GTF3C1: variants seen among roughly 807,000 people sequenced by gnomAD.
GTF3C1 encodes the protein general transcription factor IIIC subunit 1.
A neutral mutation model predicts 226.7 loss-of-function variants in GTF3C1; 57 were observed. The observed-to-expected ratio is 0.25, with a 90% CI of 0.20 to 0.31. The LOEUF (loss-of-function observed/expected upper bound fraction) is 0.31, where lower values mean the gene tolerates loss of function less well. Ranked by LOEUF, GTF3C1 falls within the 10% of genes least tolerant of loss-of-function variation. The probability of loss-of-function intolerance (pLI) is 1.00; values close to 1 mark genes in which losing one functional copy is unlikely to be tolerated. For synonymous variants in GTF3C1, 1,090 were observed against 1,084.8 expected (o/e 1.00, Z -0.09); for missense variants, 2,217 against 2,776.1 (o/e 0.80, Z 4.53).
chr16:27,494,803 G>A lies in GTF3C1; in HGVS notation c.2738C>T (p.Pro913Leu). 1 of 1,612,576 alleles carries A rather than the reference G, an allele frequency of 6.2e-7. No homozygotes were observed. The highest frequency in any genetic ancestry group is 8.5e-7 in the Non-Finnish European group (1 of 1,178,570). ...ALVSDILLCLPLSIFIQIVQV... is the reference protein window; with the variant it reads ...ALVSDILLCLLLSIFIQIVQV... ...CACAATCTGGATGAAGATGGAGAGG[G>A]GAAGGCAGAGGAGGATGTCGCTGAC... Residue 913 changes from proline to leucine, a missense_variant, in exon 16 of 37, where the codon CCC becomes CTC. By Grantham distance (98) the Pro-to-Leu change is moderately conservative. Around this residue, in one of 12 missense-constraint regions of GTF3C1, gnomAD observed 353 missense variants for 411.7 expected, o/e 0.86. Transcript: ENST00000356183.
At chr16:27,526,397 T>C (rs557278861) in intron 6 of GTF3C1, among the ~76,000 whole-genome samples, 3 of 152,300 alleles carry the variant, frequency 2.0e-5, no homozygotes, top group Non-Finnish European at 4.4e-5. Flanking sequence ...CTTGGTCTCC[T>C]ATCTCTGAGC....
At chr16:27,494,379 C>T (rs184895933) in intron 16 of GTF3C1, among the ~76,000 whole-genome samples, 291 of 144,580 alleles carry the variant, frequency 2.0e-3, no homozygotes, top group African/African-American at 6.8e-3. Context: ...CCAGCCTAGA[C>T]GACAGAGCAA....
At position 27,508,727 on chromosome 16, in the gene GTF3C1, A is replaced by G. The variant is rs2088525157; in HGVS notation, c.1127-72T>C. 5.6e-6 allele frequency: 6 copies of G among 1,066,068 alleles called. No individual in the cohort carries two copies. In the East Asian group the frequency reaches 1.4e-4, roughly 26 times the overall value. 66.0% of individuals were successfully genotyped at this position (1,066,068 alleles called of 1,614,324 possible). On this transcript the variant is annotated intron_variant, in intron 7 of 36. Coordinates refer to ENST00000356183, the MANE Select transcript of GTF3C1 (RefSeq NM_001520.4). ...TTCTGCACAAGTCAGTTTCCAGCCC[A>G]CTTTTTCAGCAGACATTTTGATGCT...
In GTF3C1 at chr16:27,545,443, T is replaced by C. The variant is rs1304845976; in HGVS notation, c.302A>G (p.His101Arg). The change falls in exon 2 of 37, where the codon CAT becomes CGT. Residue 101 changes from histidine (H) to arginine (R), a missense_variant. Physicochemically the swap from His to Arg is conservative, Grantham distance 29 (BLOSUM62 0). Transcript: ENST00000356183. Reference sequence around the variant, plus strand: ...GCCATCCTTATTCTCTAAGATCATATGAATGGGGTAGACATCCTCCAAAGC... The same window carrying C: ...GCCATCCTTATTCTCTAAGATCATACGAATGGGGTAGACATCCTCCAAAGC... ...PVALEDVYPI[H>R]MILENKDGIQ... 2.5e-6 allele frequency: 4 copies of C among 1,611,158 alleles called. No homozygotes were observed. The highest frequency in any genetic ancestry group is 2.5e-6 in the Non-Finnish European group (3 of 1,177,264).
rs528786000 is a variant in GTF3C1, at chr16:27,492,780, T to C, written c.2877-67A>G. 6.2e-5 allele frequency: 56 copies of C among 905,580 alleles called. No individual in the cohort carries two copies. Among genetic ancestry groups the C allele is most frequent in the Non-Finnish European group, 1.0e-4 (55 of 535,028 alleles). The allele number at this position is 905,580 out of a possible 1,614,324, so 56.1% of individuals were successfully genotyped here. ...TCGCAGCCGGCCGCAGGGGTCTGCATGTGGGGTGAGGGGTGCGACTTCCTT... is the reference window on the plus strand; with the variant it reads ...TCGCAGCCGGCCGCAGGGGTCTGCACGTGGGGTGAGGGGTGCGACTTCCTT... On this transcript the variant is annotated intron_variant, in intron 17 of 36. Transcript: ENST00000356183. This position sits in a 1 kb window ranked among gnomAD's most constrained non-coding sequence, Gnocchi z 5.0.
Position 27,488,285 on chromosome 16 carries a change from G to C in GTF3C1, c.3642C>G (p.Ser1214Arg), listed in dbSNP as rs780694002. The C allele has an allele frequency of 1.9e-6, 3 of 1,614,148 alleles. No individual in the cohort carries two copies. The Admixed American group carries it at 5.0e-5, about 27-fold the overall frequency. The part of the protein sequence containing the change: ...DRNRRVRGGK[S>R]QKRKRLKKDP... Reference sequence around the variant, plus strand: ...CCTTCTTCAGCCGCTTCCGCTTCTGGCTTTTCCCACCCCTCACTCTCCGGT... The same window carrying C: ...CCTTCTTCAGCCGCTTCCGCTTCTGCCTTTTCCCACCCCTCACTCTCCGGT... Residue 1214 changes from serine to arginine, a missense_variant, in exon 23 of 37, where the codon AGC (serine) becomes AGG (arginine). This residue lies in a region of GTF3C1 where 546 missense variants were observed against 663.0 expected (regional missense o/e 0.82). Transcript: ENST00000356183.
At chr16:27,478,191 G>GA (rs934875029) in intron 28 of GTF3C1, among the ~76,000 whole-genome samples, 8 of 149,820 alleles carry the variant, frequency 5.3e-5, no homozygotes, top group Non-Finnish European at 7.4e-5. Context: ...AAAAAGGAAA[G>GA]AAAAAAAAAA....
At chr16:27,517,541 A>G (rs1462176436) in intron 6 of GTF3C1, among the ~76,000 whole-genome samples, 1 of 152,228 alleles carries the variant, frequency 6.6e-6, no homozygotes, top group South Asian at 2.1e-4. Flanking sequence ...GGCAGGTGAG[A>G]TACAACCAGC....
At chr16:27,504,044 G>A (rs1480345986) in intron 10 of GTF3C1, among the ~76,000 whole-genome samples, 3 of 152,230 alleles carry the variant, frequency 2.0e-5, no homozygotes, top group Non-Finnish European at 4.4e-5. Flanking sequence ...TCACCTTCGT[G>A]CTTCAGGGTG....
intron 6 of GTF3C1, among the ~76,000 whole-genome samples, chr16:27,513,264 G>A (rs546942959): frequency 6.6e-6 from 1 of 152,106 alleles, no homozygotes; most frequent in East Asian, 1.9e-4. Flanking sequence ...CACCAGCCTT[G>A]GCAGCACAGC....
intron 5 of GTF3C1, among the ~76,000 whole-genome samples, chr16:27,532,228 T>C (rs967844364): frequency 1.3e-5 from 2 of 152,208 alleles, no homozygotes; most frequent in African/African-American, 4.8e-5. Flanking sequence ...CTGTAACCAC[T>C]GCTTTAAAGA....
chr16:27,500,908 A>G (rs1341556524), intron 12 of GTF3C1, among the ~76,000 whole-genome samples: 1 of 152,198 alleles, frequency 6.6e-6, no homozygotes, highest in Non-Finnish European at 1.5e-5. Flanking sequence ...CAATGACTGA[A>G]CTTCAATATG....
At chr16:27,500,264 G>A (rs2088385753) in intron 12 of GTF3C1, among the ~76,000 whole-genome samples, 1 of 152,170 alleles carries the variant, frequency 6.6e-6, no homozygotes, top group South Asian at 2.1e-4. Flanking sequence ...CCACTGCTCA[G>A]GGAACAAGTG....
intron 5 of GTF3C1, among the ~76,000 whole-genome samples, chr16:27,529,943 C>A (rs2141440856): frequency 6.6e-6 from 1 of 152,322 alleles, no homozygotes; most frequent in African/African-American, 2.4e-5. Flanking sequence ...TATCCTGTAT[C>A]AAAAATTTAT....
intron 29 of GTF3C1, 36 bp downstream of exon 29, chr16:27,476,415 A>T (rs1214859899): frequency 1.5e-6 from 2 of 1,339,800 alleles, no homozygotes; most frequent in East Asian, 2.3e-5. Flanking sequence ...GGAAGGGCCC[A>T]CATCCCCGCT....
chr16:27,499,762 C>T (rs2088377180), intron 12 of GTF3C1, among the ~76,000 whole-genome samples: 1 of 152,132 alleles, frequency 6.6e-6, no homozygotes, highest in African/African-American at 2.4e-5. Flanking sequence ...TTCACATTGC[C>T]CCACTTTCCG....
In GTF3C1 at chr16:27,503,002, C is replaced by T; in HGVS notation, c.1771-7G>A. The T allele has an allele frequency of 6.2e-7, 1 of 1,611,702 alleles. No individual in the cohort carries two copies. The highest frequency in any genetic ancestry group is 8.5e-7 in the Non-Finnish European group (1 of 1,177,888). ...TCAGGGAACTGCTACTCTCCTAGAACAGAGACCGAAAGCACAAGATGCAAT... is the reference window on the plus strand; with the variant it reads ...TCAGGGAACTGCTACTCTCCTAGAATAGAGACCGAAAGCACAAGATGCAAT... On this transcript the variant is annotated splice_polypyrimidine_tract_variant and splice_region_variant and intron_variant, in intron 10 of 36. Coordinates refer to ENST00000356183, the MANE Select transcript of GTF3C1 (RefSeq NM_001520.4).
At chr16:27,537,679 AT>A in intron 4 of GTF3C1, 104 bp downstream of exon 4, 1 of 768,562 alleles carries the variant, frequency 1.3e-6, no homozygotes, top group South Asian at 1.9e-5. Context: ...AAGGGCTATG[AT>A]TACAGGTATG....
intron 29 of GTF3C1, among the ~76,000 whole-genome samples, chr16:27,473,637 T>C (rs917600302): frequency 6.6e-6 from 1 of 152,204 alleles, no homozygotes; most frequent in African/African-American, 2.4e-5. Context: ...TGCACCTTCC[T>C]TCCAGTGGAG....
Sources: gnomAD v4.1 joint callset for allele counts (sites outside exome capture counted in the v4.1 genomes callset) on GRCh38, gnomAD v4.1.1 for gene constraint, gnomAD v4.1.1 regional missense constraint, Gnocchi (gnomAD v3.1) non-coding constraint, MANE v1.5 for transcripts, NCBI Gene and HGNC (gene_info 2026-07-23, HGNC 2026-07-21) for gene names.